Variants in KCNH7 observed in about 807,000 individuals in gnomAD.
The protein encoded by KCNH7 is voltage-gated inwardly rectifying potassium channel KCNH7.
Under a neutral mutation model 120.8 loss-of-function variants are expected in KCNH7, and 49 were observed. The observed-to-expected ratio is 0.41, with a 90% confidence interval of 0.32 to 0.51. The LOEUF (loss-of-function observed/expected upper bound fraction) is 0.51. Among genes scored for constraint, KCNH7 ranks in the 20% least tolerant of loss-of-function variants. The pLI, the probability that KCNH7 is intolerant of heterozygous loss-of-function variation, is 0.38. For missense variants in KCNH7, 1,097 were observed against 1,446.6 expected (o/e 0.76, Z 3.92); for synonymous variants, 547 against 516.1 (o/e 1.06, Z -0.81).
intron 6 of KCNH7, among the ~76,000 whole-genome samples, chr2:162,472,337 C>T (rs1229004589): frequency 6.6e-6 from 1 of 152,162 alleles, no homozygotes; most frequent in East Asian, 1.9e-4. Context: ...GCAATCTACT[C>T]ATCTGACAAA....
chr2:162,557,218 G>C (rs1477889150), intron 2 of KCNH7, among the ~76,000 whole-genome samples: 3 of 152,198 alleles, frequency 2.0e-5, no homozygotes, highest in Non-Finnish European at 4.4e-5. Flanking sequence ...CTGATGATGG[G>C]GGTATCAGCC....
chr2:162,459,035 A>AATAATAATAATG (rs1292309685), intron 6 of KCNH7, among the ~76,000 whole-genome samples: 4 of 147,348 alleles, frequency 2.7e-5, no homozygotes, highest in Non-Finnish European at 1.5e-5. Context: ...TAATAATAAT[A>AATAATAATAATG]ATAATAATAA....
Position 162,386,215 on chromosome 2 carries a change from G to A in KCNH7, c.2711-1276C>T, listed in dbSNP as rs77337213. ...TCCCTACTCAATCACTAATCTAATT[G>A]GTTGTAAATATTCGGATCAAATCTT... On this transcript the variant is annotated intron_variant, in intron 12 of 15. Transcript: ENST00000332142. Among the ~76,000 whole-genome samples the A allele has an allele frequency of 2.2e-3, 340 of 151,782 alleles. 2 individuals carry two copies. The highest frequency in any genetic ancestry group is 8.0e-3 in the African/African-American group (330 of 41,470).
intron 6 of KCNH7, among the ~76,000 whole-genome samples, chr2:162,448,097 T>C (rs1688643872): frequency 6.6e-6 from 1 of 152,022 alleles, no homozygotes; most frequent in South Asian, 2.1e-4. Context: ...ATCTGGAAAA[T>C]AAAGTGATTT....
At chr2:162,515,078 G>A (rs1691232592) in intron 4 of KCNH7, among the ~76,000 whole-genome samples, 1 of 151,688 alleles carries the variant, frequency 6.6e-6, no homozygotes, top group South Asian at 2.1e-4. Flanking sequence ...AGGGAATGTA[G>A]TTTCTTTTTT....
At chr2:162,704,435 C>A (rs1164141736) in intron 2 of KCNH7, among the ~76,000 whole-genome samples, 1 of 152,140 alleles carries the variant, frequency 6.6e-6, no homozygotes, top group Non-Finnish European at 1.5e-5. Flanking sequence ...TGAGTTTAAA[C>A]TGACTTGAAA....
At chr2:162,477,488 T>C (rs1365529811) in intron 6 of KCNH7, among the ~76,000 whole-genome samples, 1 of 152,118 alleles carries the variant, frequency 6.6e-6, no homozygotes, top group African/African-American at 2.4e-5. Context: ...AGAGATAGAA[T>C]AGAGAAGGAG....
chr2:162,682,378 C>G (rs574312729), intron 2 of KCNH7, among the ~76,000 whole-genome samples: 1 of 149,782 alleles, frequency 6.7e-6, no homozygotes. Flanking sequence ...TTGTAAGAAC[C>G]GATTCATTAA....
At chr2:162,750,018 C>A (rs1453111333) in intron 2 of KCNH7, among the ~76,000 whole-genome samples, 1 of 152,062 alleles carries the variant, frequency 6.6e-6, no homozygotes, top group Non-Finnish European at 1.5e-5. Context: ...ACACTGGGGA[C>A]TTAGATAGCC....
chr2:162,824,731 G>C (rs929035421), intron 2 of KCNH7, among the ~76,000 whole-genome samples: 3 of 151,954 alleles, frequency 2.0e-5, no homozygotes, highest in African/African-American at 7.3e-5. Context: ...GTCACTATAA[G>C]TGGCATTTCA....
At chr2:162,396,682 A>G in intron 11 of KCNH7, 58 bp downstream of exon 11, 1 of 1,276,968 alleles carries the variant, frequency 7.8e-7, no homozygotes, top group East Asian at 2.4e-5. Flanking sequence ...TATTTGTGCA[A>G]TTCAAGAATA....
Position 162,400,345 on chromosome 2 carries a change from T to C in KCNH7, c.2251A>G (p.Lys751Glu). The C allele has an allele frequency of 6.2e-7, 1 of 1,612,536 alleles. No homozygotes were observed. The highest frequency in any genetic ancestry group is 8.5e-7 in the Non-Finnish European group (1 of 1,179,026). ...QNCKAFRGAS[K>E]GCLRALAMKF... ...ATTGCCAAAGCTCTAAGGCAACCTT[T>C]ACTTGCCCCCCGAAAGGCTTTGCAG... is the stretch of plus-strand genomic sequence containing the variant. Residue 751 changes from lysine to glutamate, a missense_variant, in exon 10 of 16, where the codon AAA becomes GAA. By Grantham distance (56) the Lys-to-Glu change is moderately conservative. Around this residue, in one of 8 missense-constraint regions of KCNH7, gnomAD observed 101 missense variants for 176.3 expected, o/e 0.57. Transcript: ENST00000332142.
intron 2 of KCNH7, among the ~76,000 whole-genome samples, chr2:162,734,903 A>G (rs920036851): frequency 1.5e-4 from 23 of 152,298 alleles, no homozygotes; most frequent in African/African-American, 5.5e-4. Flanking sequence ...AATGAAAGCA[A>G]CAAACTTAGA....
At chr2:162,663,154 C>G (rs970935047) in intron 2 of KCNH7, among the ~76,000 whole-genome samples, 4 of 152,164 alleles carry the variant, frequency 2.6e-5, no homozygotes, top group South Asian at 4.1e-4. Context: ...TCTGTAAAAT[C>G]AGTAATTGCA....
At chr2:162,770,485 T>C (rs900783259) in intron 2 of KCNH7, among the ~76,000 whole-genome samples, 6 of 151,982 alleles carry the variant, frequency 3.9e-5, no homozygotes, top group African/African-American at 9.7e-5. Flanking sequence ...TTTCAGATTG[T>C]ACGCTTTGGG....
chr2:162,720,073 G>C (rs78382424), intron 2 of KCNH7, among the ~76,000 whole-genome samples: 1 of 151,846 alleles, frequency 6.6e-6, no homozygotes, highest in Non-Finnish European at 1.5e-5. Context: ...GGAAGTCCAC[G>C]AATCAAGTAT....
chr2:162,837,150 A>G (rs946498371), intron 1 of KCNH7, among the ~76,000 whole-genome samples: 5 of 152,210 alleles, frequency 3.3e-5, no homozygotes, highest in African/African-American at 9.6e-5. Flanking sequence ...ACAGTGAAAC[A>G]TTCTGTAGTT....
At chr2:162,577,772 C>T (rs998148461) in intron 2 of KCNH7, among the ~76,000 whole-genome samples, 1 of 151,906 alleles carries the variant, frequency 6.6e-6, no homozygotes, top group Non-Finnish European at 1.5e-5. Context: ...TTTTTTTCTC[C>T]ATAGAGTGAA....
chr2:162,823,538 T>C (rs1451566867), intron 2 of KCNH7, among the ~76,000 whole-genome samples: 1 of 152,072 alleles, frequency 6.6e-6, no homozygotes, highest in Non-Finnish European at 1.5e-5. Context: ...GATTATTCCA[T>C]TTCTAGAACA....
Sources: gnomAD v4.1 joint callset for allele counts (sites outside exome capture counted in the v4.1 genomes callset) on GRCh38, gnomAD v4.1.1 for gene constraint, gnomAD v4.1.1 regional missense constraint, MANE v1.5 for transcripts, NCBI Gene and HGNC (gene_info 2026-07-23, HGNC 2026-07-21) for gene names.